Variants in POR observed in about 807,000 individuals in gnomAD.
POR encodes the protein NADPH--cytochrome P450 reductase.
In POR, 56 loss-of-function variants were observed where a neutral mutation model predicts 84.0. The observed-to-expected ratio is 0.67, with a 90% CI of 0.54 to 0.83. The LOEUF is 0.83. Among genes scored for constraint, POR ranks in the 40% least tolerant of loss-of-function variants. POR has a pLI of 0.00. For missense variants in POR, 938 were observed against 944.3 expected, an observed-to-expected ratio of 0.99 and a Z score of 0.09; for synonymous variants, 414 against 400.5, an observed-to-expected ratio of 1.03 and a Z score of -0.40.
chr7:75,957,506 C>T (rs879985128), intron 2 of POR, among the ~76,000 whole-genome samples: 9 of 151,378 alleles, frequency 5.9e-5, no homozygotes, highest in East Asian at 3.9e-4. Flanking sequence ...TCCGCCCCAC[C>T]GCCGTGAGTG....
intron 1 of POR, chr7:75,915,464 G>A (rs1195669204): frequency 2.0e-5 from 3 of 152,484 alleles, no homozygotes; most frequent in Admixed American, 2.0e-4. Context: ...CTCGGCTGAG[G>A]GTTAGGGCTC....
intron 1 of POR, among the ~76,000 whole-genome samples, chr7:75,919,393 G>GTGTGTGTGTGTT (rs1163271363): frequency 6.6e-6 from 1 of 151,996 alleles, no homozygotes; most frequent in African/African-American, 2.4e-5. Flanking sequence ...GTGTGTGTGT[G>GTGTGTGTGTGTT]TGTGTGTGTG....
At chr7:75,983,090 C>T (rs1187805915) in intron 8 of POR, among the ~76,000 whole-genome samples, 36 of 152,206 alleles carry the variant, frequency 2.4e-4, no homozygotes, top group Admixed American at 2.4e-3. Context: ...GCTCTAATCC[C>T]AGCACTCTGG....
At chr7:75,958,056 C>G (rs1340943719) in intron 2 of POR, among the ~76,000 whole-genome samples, 1 of 152,190 alleles carries the variant, frequency 6.6e-6, no homozygotes, top group Non-Finnish European at 1.5e-5. Context: ...GTTAATCCAT[C>G]ATAGAGCTCT....
chr7:75,943,972 G>A, intron 1 of POR: 2 of 437,096 alleles, frequency 4.6e-6, no homozygotes, highest in South Asian at 3.5e-5. Flanking sequence ...AATAGCCAAG[G>A]AAACCTCGAC....
At chr7:75,915,457 G>T (rs1420852914) in intron 1 of POR, 1 of 152,336 alleles carries the variant, frequency 6.6e-6, no homozygotes, top group Non-Finnish European at 1.5e-5. Context: ...GCAGGCCCTC[G>T]GCTGAGGGTT....
intron 1 of POR, among the ~76,000 whole-genome samples, chr7:75,952,839 T>G (rs1409834006): frequency 7.1e-6 from 1 of 141,538 alleles, no homozygotes; most frequent in African/African-American, 2.7e-5. Flanking sequence ...CTTTCCAGAC[T>G]GGGCAGCCAG....
intron 2 of POR, among the ~76,000 whole-genome samples, chr7:75,957,445 A>G (rs1787736702): frequency 1.3e-5 from 2 of 152,226 alleles, no homozygotes; most frequent in Admixed American, 1.3e-4. Context: ...ACCAGGGTCC[A>G]GGACCCAGCT....
At position 75,973,674 on chromosome 7, in the gene POR, C is replaced by CTTTTTTTTTTT. The variant is rs35274225; in HGVS notation, c.237+1228_237+1238dup. Among the ~76,000 whole-genome samples the CTTTTTTTTTTT allele has an allele frequency of 1.2e-4, 8 of 64,932 alleles. 2 individuals are homozygous for CTTTTTTTTTTT. Among genetic ancestry groups the CTTTTTTTTTTT allele is most frequent in the East Asian group, 5.8e-4 (1 of 1,728 alleles). The allele number at this position is 64,932 out of a possible 152,430, so 42.6% of individuals were successfully genotyped here. A position where few individuals can be genotyped will look rare whatever the true frequency, so the allele number is the denominator to read the frequency against. Reference sequence around the variant, plus strand: ...ACTATGTGCACTGTTCCAGACCTTGCTTTTTTTTTTTTTTTTTTTTTTTTT... The same window carrying CTTTTTTTTTTT: ...ACTATGTGCACTGTTCCAGACCTTGCTTTTTTTTTTTTTTTTTTTTTTTTTTTTTTTTTTTT... On this transcript the variant is annotated intron_variant, in intron 3 of 15. Transcript: ENST00000461988.
Position 75,930,562 on chromosome 7 carries a change from G to A in POR, c.-5+15383G>A, listed in dbSNP as rs560123263. Among the ~76,000 whole-genome samples, 231 of 151,988 alleles carry A rather than the reference G, an allele frequency of 1.5e-3. 1 individual carries two copies. Among genetic ancestry groups the A allele is most frequent in the African/African-American group, 5.3e-3 (220 of 41,460 alleles). ...TATACTGATGGAGTCTCGCTGTGTC[G>A]CCCAGGCTGGAGTGCAGTGGCACGA... On this transcript the variant is annotated intron_variant, in intron 1 of 15. Transcript: ENST00000461988.
At chr7:75,970,554 T>A (rs41296539) in intron 2 of POR, among the ~76,000 whole-genome samples, 5,245 of 151,994 alleles carry the variant, frequency 0.035, 120 homozygotes, top group Middle Eastern at 0.061. Flanking sequence ...ATTGCTGTTT[T>A]ACCCAGGCTG....
chr7:75,918,030 G>C (rs1339265942), intron 1 of POR, among the ~76,000 whole-genome samples: 1 of 152,174 alleles, frequency 6.6e-6, no homozygotes, highest in Non-Finnish European at 1.5e-5. Flanking sequence ...AAATTGACTG[G>C]GCATGGTGGC....
At chr7:75,952,309 G>A (rs1309232786) in intron 1 of POR, among the ~76,000 whole-genome samples, 1 of 138,150 alleles carries the variant, frequency 7.2e-6, no homozygotes, top group Non-Finnish European at 1.6e-5. Context: ...CCTCCCTCCC[G>A]GATGGGGCGG....
At chr7:75,950,197 CCT>C (rs574170716) in intron 1 of POR, among the ~76,000 whole-genome samples, 199 of 152,298 alleles carry the variant, frequency 1.3e-3, no homozygotes, top group African/African-American at 4.7e-3. Flanking sequence ...AAAGCATCCC[CCT>C]GTCTGCTGTG....
At chr7:75,935,387 C>T (rs1807619277) in intron 1 of POR, among the ~76,000 whole-genome samples, 3 of 152,096 alleles carry the variant, frequency 2.0e-5, no homozygotes, top group African/African-American at 4.8e-5. Flanking sequence ...ACTGGGACTA[C>T]AGGCACCCAC....
chr7:75,929,601 A>G (rs918046901), intron 1 of POR, among the ~76,000 whole-genome samples: 1 of 152,150 alleles, frequency 6.6e-6, no homozygotes. Context: ...ACCGAACATC[A>G]AGGTGAAACG....
At chr7:75,981,320 GC>G in intron 6 of POR, 148 bp downstream of exon 6, 1 of 1,336,284 alleles carries the variant, frequency 7.5e-7, no homozygotes, top group Non-Finnish European at 1.0e-6. Context: ...CCTCTGCCCT[GC>G]CCCTGCCAGT....
chr7:75,976,832 T>C (rs1554556912), intron 3 of POR, among the ~76,000 whole-genome samples: 1 of 152,142 alleles, frequency 6.6e-6, no homozygotes, highest in Non-Finnish European at 1.5e-5. Context: ...ACATTTATTG[T>C]AATCCCTAAG....
In POR at chr7:75,985,711, C is replaced by A; in HGVS notation, c.1531C>A (p.Leu511Met). 6.3e-7 allele frequency: 1 copy of A among 1,587,686 alleles called. No homozygotes were observed. Among genetic ancestry groups the A allele is most frequent in the Non-Finnish European group, 8.6e-7 (1 of 1,168,846 alleles). Residue 511 changes from leucine (L) to methionine (M), a missense_variant, in exon 13 of 16, where the codon CTG (leucine) becomes ATG (methionine). Coordinates refer to ENST00000461988, the MANE Select transcript of POR (RefSeq NM_000941.3). Reference sequence around the variant, plus strand: ...TGCCGGGGAGAACGGCGGCCGTGCGCTGGTGCCCATGTTCGTGCGCAAGTC... The same window carrying A: ...TGCCGGGGAGAACGGCGGCCGTGCGATGGTGCCCATGTTCGTGCGCAAGTC...
Sources: allele counts gnomAD v4.1 joint callset (sites outside exome capture counted in the v4.1 genomes callset), GRCh38; gene constraint gnomAD v4.1.1; transcripts MANE v1.5; gene names NCBI Gene and HGNC (gene_info 2026-07-23, HGNC 2026-07-21).